AGBL1: variants seen among roughly 807,000 people sequenced by gnomAD.
AGBL1 encodes AGBL carboxypeptidase 1.
A neutral mutation model predicts 118.9 loss-of-function variants in AGBL1; 130 were observed. That is an observed-to-expected ratio of 1.09 (90% CI 0.95 to 1.26). AGBL1 has a LOEUF of 1.26. AGBL1 is among the 50% of genes most tolerant of loss of function. The pLI is 0.00. For missense variants in AGBL1, 1,584 were observed against 1,298.1 expected, an observed-to-expected ratio of 1.22 and a Z score of -3.38; for synonymous variants, 555 against 478.9, an observed-to-expected ratio of 1.16 and a Z score of -2.08.
chr15:86,282,086 C>T (rs750706641), intron 16 of AGBL1, among the ~76,000 whole-genome samples: 2 of 152,254 alleles, frequency 1.3e-5, no homozygotes, highest in East Asian at 1.9e-4. Context: ...TAGTTGTTTA[C>T]CTTGTGCCTC....
At chr15:86,820,552 T>G (rs2078926252) in intron 22 of AGBL1, among the ~76,000 whole-genome samples, 1 of 152,160 alleles carries the variant, frequency 6.6e-6, no homozygotes, top group Non-Finnish European at 1.5e-5. Context: ...AGGAAGACAT[T>G]TTTGCGGCCA....
chr15:86,645,200 G>GGAT, intron 21 of AGBL1, among the ~76,000 whole-genome samples: 1 of 152,248 alleles, frequency 6.6e-6, no homozygotes, highest in Non-Finnish European at 1.5e-5. Flanking sequence ...TTAGATGACA[G>GGAT]GATACATTTA....
At chr15:86,541,519 G>T (rs1414664656) in intron 19 of AGBL1, among the ~76,000 whole-genome samples, 1 of 148,644 alleles carries the variant, frequency 6.7e-6, no homozygotes, top group African/African-American at 2.5e-5. Context: ...CTGAGCCCAG[G>T]ATCTCGAAGG....
At chr15:86,769,241 A>G (rs1321657177) in intron 22 of AGBL1, among the ~76,000 whole-genome samples, 2 of 141,102 alleles carry the variant, frequency 1.4e-5, no homozygotes, top group Non-Finnish European at 3.2e-5. Flanking sequence ...GAGAGGGAAG[A>G]GATATTCCAT....
At chr15:86,308,364 C>T (rs755928416) in intron 17 of AGBL1, among the ~76,000 whole-genome samples, 32 of 152,136 alleles carry the variant, frequency 2.1e-4, no homozygotes, top group Non-Finnish European at 4.1e-4. Context: ...GAGATTACTC[C>T]CTTTCTCTCT....
intron 17 of AGBL1, among the ~76,000 whole-genome samples, chr15:86,337,945 T>A (rs1595986009): frequency 6.6e-6 from 1 of 152,338 alleles, no homozygotes; most frequent in South Asian, 2.1e-4. Flanking sequence ...CAAATATTTA[T>A]CAAGTGTCTG....
intron 17 of AGBL1, among the ~76,000 whole-genome samples, chr15:86,350,956 G>A (rs1182606372): frequency 1.3e-5 from 2 of 152,326 alleles, no homozygotes; most frequent in Middle Eastern, 3.4e-3. Context: ...GGGCATTTAA[G>A]TGATACCCAA....
In AGBL1 at chr15:86,560,758, A is replaced by G. The variant is rs1028004983; in HGVS notation, c.2994+6221A>G. ...TGAACCAGTTTACAGTCCCACCAAC[A>G]GTGTAAAACAGTTCCTATTTCTCCA... On this transcript the variant is annotated intron_variant, in intron 21 of 22. Transcript: ENST00000614907. 3.3e-5 allele frequency among the ~76,000 whole-genome samples: 5 copies of G among 152,352 alleles called. No individual in the cohort carries two copies. In the Middle Eastern group the frequency reaches 0.01, roughly 311 times the overall value.
At chr15:86,269,121 A>G (rs1261501509) in intron 13 of AGBL1, among the ~76,000 whole-genome samples, 1 of 152,198 alleles carries the variant, frequency 6.6e-6, no homozygotes, top group Non-Finnish European at 1.5e-5. Context: ...ATATCTGGGT[A>G]GTAGTCACAC....
At chr15:86,987,418 T>C (rs1049253157) in intron 23 of AGBL1, among the ~76,000 whole-genome samples, 4 of 152,268 alleles carry the variant, frequency 2.6e-5, no homozygotes, top group Non-Finnish European at 5.9e-5. Flanking sequence ...TTTAGAATTT[T>C]CTGTATTCAT....
At chr15:86,776,165 C>G (rs563648863) in intron 22 of AGBL1, among the ~76,000 whole-genome samples, 65 of 152,272 alleles carry the variant, frequency 4.3e-4, no homozygotes, top group African/African-American at 1.5e-3. Context: ...TTTATTCATT[C>G]TAATGGCTGT....
intron 21 of AGBL1, among the ~76,000 whole-genome samples, chr15:86,650,523 C>A (rs547567096): frequency 1.3e-5 from 2 of 152,100 alleles, no homozygotes; most frequent in Non-Finnish European, 2.9e-5. Context: ...TCTGATAACA[C>A]GAAAGTCCAA....
In AGBL1 at chr15:86,564,046, C is replaced by T. The variant is rs569510812; in HGVS notation, c.2994+9509C>T. ...TGTTTCTGAACGTGAGATGGGTCTCCTGAATACAGCACACGGATGGGTCTT... is the reference window on the plus strand; with the variant it reads ...TGTTTCTGAACGTGAGATGGGTCTCTTGAATACAGCACACGGATGGGTCTT... On this transcript the variant is annotated intron_variant, in intron 21 of 22. Coordinates refer to ENST00000614907, the MANE Select transcript of AGBL1 (RefSeq NM_001386094.1). 3.3e-5 allele frequency among the ~76,000 whole-genome samples: 5 copies of T among 152,264 alleles called. No homozygotes were observed. The East Asian group carries it at 9.7e-4, about 29-fold the overall frequency.
chr15:86,303,675 C>T (rs1049150203), intron 17 of AGBL1, among the ~76,000 whole-genome samples: 9 of 152,026 alleles, frequency 5.9e-5, no homozygotes, highest in Non-Finnish European at 1.3e-4. Flanking sequence ...CTAATTTTCT[C>T]AATCAGCAAG....
chr15:86,354,395 T>C lies in AGBL1; in HGVS notation c.2375-42971T>C, dbSNP rs2080680194. On this transcript the variant is annotated intron_variant, in intron 17 of 22. Transcript: ENST00000614907. Reference sequence around the variant, plus strand: ...TGGATAAGAGACAGACCAATTGGCATGGCCTACTCATGTTCGTTAGATTGT... The same window carrying C: ...TGGATAAGAGACAGACCAATTGGCACGGCCTACTCATGTTCGTTAGATTGT... Among the ~76,000 whole-genome samples, 4 of 152,362 alleles carry C rather than the reference T, an allele frequency of 2.6e-5. No individual in the cohort carries two copies. The South Asian group carries it at 8.3e-4, about 32-fold the overall frequency.
intron 22 of AGBL1, among the ~76,000 whole-genome samples, chr15:86,783,637 T>G (rs996185210): frequency 6.6e-6 from 1 of 152,204 alleles, no homozygotes; most frequent in Non-Finnish European, 1.5e-5. Flanking sequence ...CATTTTTATT[T>G]GTATTTTTTT....
At chr15:86,692,803 T>C (rs935859206) in intron 22 of AGBL1, among the ~76,000 whole-genome samples, 4 of 152,132 alleles carry the variant, frequency 2.6e-5, no homozygotes, top group African/African-American at 9.7e-5. Context: ...TGTGTCATTC[T>C]TATGCCTTTG....
At chr15:86,707,395 A>G (rs2086470211) in intron 22 of AGBL1, among the ~76,000 whole-genome samples, 1 of 139,834 alleles carries the variant, frequency 7.2e-6, no homozygotes, top group Non-Finnish European at 1.6e-5. Context: ...AGCAAATAGG[A>G]AAGAATATGT....
intron 22 of AGBL1, among the ~76,000 whole-genome samples, chr15:86,702,684 T>A (rs1233012956): frequency 1.3e-5 from 2 of 152,128 alleles, no homozygotes; most frequent in Admixed American, 1.3e-4. Flanking sequence ...ACCTTTAAAC[T>A]CTTTTCTCCC....
Sources: gnomAD v4.1 joint callset for allele counts (sites outside exome capture counted in the v4.1 genomes callset) on GRCh38, gnomAD v4.1.1 for gene constraint, MANE v1.5 for transcripts, NCBI Gene and HGNC (gene_info 2026-07-23, HGNC 2026-07-21) for gene names.